KCNG3: variants seen among roughly 807,000 people sequenced by gnomAD.
KCNG3 encodes the protein potassium voltage-gated channel modifier subfamily G member 3, also known as voltage-gated potassium channel regulatory subunit KCNG3.
KCNG3 carries 15 observed loss-of-function variants against 29.0 expected under a neutral mutation model. The ratio of observed to expected loss-of-function variants is 0.52; its 90% CI spans 0.35 to 0.80. The LOEUF (loss-of-function observed/expected upper bound fraction) is 0.80, where lower values mean the gene tolerates loss of function less well. Among genes scored for constraint, KCNG3 ranks in the 30% least tolerant of loss-of-function variants. The pLI is 0.01. For missense variants in KCNG3, 512 were observed against 605.7 expected (o/e 0.85, Z 1.62); for synonymous variants, 322 against 248.9 (o/e 1.29, Z -2.76).
chr2:42,455,640 G>A (rs1314587099), intron 1 of KCNG3, among the ~76,000 whole-genome samples: 2 of 152,088 alleles, frequency 1.3e-5, no homozygotes, highest in Non-Finnish European at 2.9e-5. Context: ...TGTGGGGCAT[G>A]TGCCTGTAGT....
rs1375470455 is a variant in KCNG3 at position 42,443,096 on chromosome 2, C to G, written c.*838G>C. 6.6e-6 allele frequency: 1 copy of G among 152,054 alleles called. No homozygotes were observed. The highest frequency in any genetic ancestry group is 1.5e-5 in the Non-Finnish European group (1 of 68,004). The allele number at this position is 152,054 out of a possible 1,614,324, so 9.4% of individuals were successfully genotyped here. ...AAGAGGTTGTAATATTGAGTCATCT[C>G]AAATTATTCCTATTATAATTTTTAT... On this transcript the variant is annotated 3_prime_UTR_variant, in exon 2 of 2. Coordinates refer to ENST00000306078, the MANE Select transcript of KCNG3 (RefSeq NM_133329.6).
At chr2:42,459,737 G>A (rs141597654) in intron 1 of KCNG3, among the ~76,000 whole-genome samples, 391 of 152,330 alleles carry the variant, frequency 2.6e-3, no homozygotes, top group African/African-American at 9.1e-3. Flanking sequence ...AGCTCTTTGG[G>A]AGGTCAAGGC....
chr2:42,481,285 A>T (rs190913151), intron 1 of KCNG3, among the ~76,000 whole-genome samples: 48 of 152,308 alleles, frequency 3.2e-4, no homozygotes, highest in Non-Finnish European at 4.9e-4. Flanking sequence ...ACCCAGAAAA[A>T]GGGAAACCCT....
At chr2:42,462,486 A>G (rs192910656) in intron 1 of KCNG3, among the ~76,000 whole-genome samples, 84 of 152,300 alleles carry the variant, frequency 5.5e-4, no homozygotes, top group African/African-American at 1.9e-3. Context: ...GTTGGAGACC[A>G]GCCTGGTCAA....
the KCNG3 span, among the ~76,000 whole-genome samples, chr2:42,427,189 G>A: frequency 6.6e-6 from 1 of 152,162 alleles, no homozygotes; most frequent in Non-Finnish European, 1.5e-5. Flanking sequence ...GCAAAAATGT[G>A]CACCAAAATT....
chr2:42,483,269 A>G (rs980371162), intron 1 of KCNG3, among the ~76,000 whole-genome samples: 1 of 152,350 alleles, frequency 6.6e-6, no homozygotes, highest in South Asian at 2.1e-4. Context: ...ATCAATAAAG[A>G]ATAGTTCTGA....
chr2:42,451,948 G>T (rs1672765861), intron 1 of KCNG3, among the ~76,000 whole-genome samples: 1 of 151,834 alleles, frequency 6.6e-6, no homozygotes, highest in Non-Finnish European at 1.5e-5. Flanking sequence ...AATCAAGAGT[G>T]AAAGGGCAAC....
chr2:42,403,949 CTCTT>C, the KCNG3 span, among the ~76,000 whole-genome samples: 1 of 152,162 alleles, frequency 6.6e-6, no homozygotes, highest in East Asian at 1.9e-4. Context: ...CTGTTTTACT[CTCTT>C]TATCCAGTTT....
downstream of KCNG3, chr2:42,440,442 A>G (rs964544522): frequency 6.6e-6 from 1 of 150,894 alleles, no homozygotes; most frequent in Non-Finnish European, 1.5e-5. Flanking sequence ...AGGCTTTAAT[A>G]TTTCAAATAT....
chr2:42,433,371 T>C, the KCNG3 span, among the ~76,000 whole-genome samples: 1 of 152,142 alleles, frequency 6.6e-6, no homozygotes, highest in East Asian at 1.9e-4. Flanking sequence ...TGTGAGGGTG[T>C]TTCCAGAAAC....
At chr2:42,400,325 G>C in the KCNG3 span, among the ~76,000 whole-genome samples, 1 of 152,180 alleles carries the variant, frequency 6.6e-6, no homozygotes, top group South Asian at 2.1e-4. Flanking sequence ...AATTTCCTAA[G>C]AGACCATGAC....
chr2:42,487,234 G>A (rs921204801), intron 1 of KCNG3, among the ~76,000 whole-genome samples: 26 of 151,356 alleles, frequency 1.7e-4, no homozygotes, highest in African/African-American at 5.3e-4. Context: ...TAGTGAAAGT[G>A]CAGCTACTAT....
In KCNG3 at chr2:42,493,238, C is replaced by A; in HGVS notation, c.264G>T (p.Arg88=). 6.2e-7 allele frequency: 1 copy of A among 1,611,888 alleles called. No individual in the cohort carries two copies. Among genetic ancestry groups the A allele is most frequent in the Non-Finnish European group, 8.5e-7 (1 of 1,179,876 alleles). ...CGTTGTAGAAGGAGAGCTCGCACATCCGCGGCGCGAAGCGCAGCTTGCCGT... is the reference window on the plus strand; with the variant it reads ...CGTTGTAGAAGGAGAGCTCGCACATACGCGGCGCGAAGCGCAGCTTGCCGT... The part of the protein sequence containing the change: ...RGHGKLRFAP[R]MCELSFYNEM... The change falls in exon 1 of 2, where the codon CGG becomes CGT. Residue 88 remains arginine, a synonymous_variant. Coordinates refer to ENST00000306078, the MANE Select transcript of KCNG3 (RefSeq NM_133329.6).
At chr2:42,472,988 G>A (rs1247183559) in intron 1 of KCNG3, among the ~76,000 whole-genome samples, 27 of 144,820 alleles carry the variant, frequency 1.9e-4, no homozygotes, top group African/African-American at 5.4e-4. Context: ...TGCAAGCTCC[G>A]CCTCCCAGGT....
intron 1 of KCNG3, among the ~76,000 whole-genome samples, chr2:42,490,415 A>C (rs1287422252): frequency 6.6e-6 from 1 of 152,068 alleles, no homozygotes; most frequent in African/African-American, 2.4e-5. Flanking sequence ...ATCTCTACTA[A>C]AAATGCAAAA....
At chr2:42,423,943 T>G in the KCNG3 span, among the ~76,000 whole-genome samples, 1 of 152,198 alleles carries the variant, frequency 6.6e-6, no homozygotes, top group Non-Finnish European at 1.5e-5. Flanking sequence ...ATCAATTCAT[T>G]TTGAAGATAT....
chr2:42,451,615 C>T (rs1035512156), intron 1 of KCNG3, among the ~76,000 whole-genome samples: 11 of 152,170 alleles, frequency 7.2e-5, no homozygotes, highest in Admixed American at 1.3e-4. Flanking sequence ...ATCCCAGCTA[C>T]TCAGGAGGCT....
chr2:42,395,109 A>G, the KCNG3 span, among the ~76,000 whole-genome samples: 1 of 152,204 alleles, frequency 6.6e-6, no homozygotes, highest in Non-Finnish European at 1.5e-5. Context: ...GAATACAGGT[A>G]TTTACTCCTG....
the KCNG3 span, among the ~76,000 whole-genome samples, chr2:42,397,997 G>C: frequency 6.6e-6 from 1 of 152,108 alleles, no homozygotes; most frequent in African/African-American, 2.4e-5. Context: ...GCCGAGGCAG[G>C]CAGAGCACGA....
Sources: allele counts gnomAD v4.1 joint callset (sites outside exome capture counted in the v4.1 genomes callset), GRCh38; gene constraint gnomAD v4.1.1; transcripts MANE v1.5; gene names NCBI Gene and HGNC (gene_info 2026-07-23, HGNC 2026-07-21).